Variants in MBTPS1 observed in about 807,000 individuals in gnomAD.
MBTPS1 encodes the protein membrane-bound transcription factor site-1 protease.
In MBTPS1, 94 loss-of-function variants were observed where a neutral mutation model predicts 127.8. That is an observed-to-expected ratio of 0.74 (90% confidence interval 0.62 to 0.87). The LOEUF is 0.87. MBTPS1 is among the 40% of genes least tolerant of loss of function. The pLI, the probability that MBTPS1 is intolerant of heterozygous loss-of-function variation, is 0.00. For synonymous variants in MBTPS1, 632 were observed against 509.4 expected (o/e 1.24, Z -3.24); for missense variants, 1,636 against 1,353.2 (o/e 1.21, Z -3.28).
intron 22 of MBTPS1, 61 bp from the exon 23 acceptor site, chr16:84,054,706 T>C (rs1056880472): frequency 7.6e-7 from 1 of 1,315,180 alleles, no homozygotes; most frequent in African/African-American, 1.5e-5. Context: ...GACGGCCTTT[T>C]TCTATGACGG....
intron 19 of MBTPS1, among the ~76,000 whole-genome samples, chr16:84,062,927 C>A (rs1411524765): frequency 9.9e-5 from 15 of 152,188 alleles, no homozygotes; most frequent in Admixed American, 9.8e-4. Context: ...AGAAGGGCGC[C>A]CCCTCGTGGC....
rs1014931686 is a variant in MBTPS1, at chr16:84,097,868, G to T, written c.421+1185C>A. Among the ~76,000 whole-genome samples the T allele has an allele frequency of 1.5e-4, 23 of 151,228 alleles. No individual in the cohort carries two copies. The South Asian group carries it at 2.3e-3, about 15-fold the overall frequency. On this transcript the variant is annotated intron_variant, in intron 3 of 22. Coordinates refer to ENST00000343411, the MANE Select transcript of MBTPS1 (RefSeq NM_003791.4). The stretch of plus-strand genomic sequence containing the variant: ...TGTGTGTGTGTGTGTGTGTGTGTGT[G>T]TGTTTGTGTGTGTGTTTAATGCAGC...
chr16:84,060,410 C>T lies in MBTPS1; in HGVS notation c.2704+272G>A, dbSNP rs140048642. On this transcript the variant is annotated intron_variant, in intron 20 of 22. Transcript: ENST00000343411. ...ACTGTCCTCACCTGTGAGAGCGGGA[C>T]GGTAAACACACTCAGAGTGGCGTGA... The T allele has an allele frequency of 3.7e-3, 1,370 of 374,070 alleles. 10 individuals are homozygous for T. The highest frequency in any genetic ancestry group is 0.011 in the South Asian group (291 of 25,952). The allele number at this position is 374,070 out of a possible 1,614,324, so 23.2% of individuals were successfully genotyped here.
At position 84,093,740 on chromosome 16, in the gene MBTPS1, T is replaced by A. The variant is rs748855571; in HGVS notation, c.707A>T (p.Asn236Ile). The change falls in exon 5 of 23, where the codon AAC (asparagine) becomes ATC (isoleucine). Residue 236 changes from asparagine (N) to isoleucine (I), a missense_variant. Physicochemically the swap from Asn to Ile is moderately radical, Grantham distance 149. Coordinates refer to ENST00000343411, the MANE Select transcript of MBTPS1 (RefSeq NM_003791.4). Reference sequence around the variant, plus strand: ...GTCCAGCGTTCGCTCGTTGGTCCAGTTGGTTCTCTCCTTCACATTTTTGAA... The same window carrying A: ...GTCCAGCGTTCGCTCGTTGGTCCAGATGGTTCTCTCCTTCACATTTTTGAA... Reference protein sequence around the residue: ...PHFKNVKERTNWTNERTLDDG... With the variant: ...PHFKNVKERTIWTNERTLDDG... 1.9e-6 allele frequency: 3 copies of A among 1,614,124 alleles called. No individual in the cohort carries two copies. The highest frequency in any genetic ancestry group is 2.5e-6 in the Non-Finnish European group (3 of 1,179,968).
At chr16:84,098,948 A>G (rs2086216247) in intron 3 of MBTPS1, 105 bp downstream of exon 3, 1 of 1,142,134 alleles carries the variant, frequency 8.8e-7, no homozygotes, top group South Asian at 1.5e-5. Context: ...AGCAAACTAG[A>G]TGGAAGGATG....
chr16:84,109,995 T>G (rs1438174590), intron 1 of MBTPS1, among the ~76,000 whole-genome samples: 1 of 152,208 alleles, frequency 6.6e-6, no homozygotes, highest in Non-Finnish European at 1.5e-5. Flanking sequence ...ATACTGTTCG[T>G]GCAACCTTCC....
chr16:84,082,124 A>C (rs771931728), intron 10 of MBTPS1: 1 of 372,020 alleles, frequency 2.7e-6, no homozygotes. Flanking sequence ...TACGGGACCC[A>C]CTTATGCTAA....
In MBTPS1 at chr16:84,098,715, C is replaced by T. The variant is rs141567977; in HGVS notation, c.421+338G>A. Among the ~76,000 whole-genome samples the T allele has an allele frequency of 3.4e-3, 511 of 152,282 alleles. 3 individuals are homozygous for T. The highest frequency in any genetic ancestry group is 0.011 in the African/African-American group (471 of 41,566). ...GGACGCGTCTTTCAGCACGAGAAGG[C>T]GGCCGCAGCCTTGAAGTCTGAAGGC... On this transcript the variant is annotated intron_variant, in intron 3 of 22. Transcript: ENST00000343411.
At chr16:84,104,206 G>A (rs183739374) in intron 1 of MBTPS1, among the ~76,000 whole-genome samples, 94 of 150,866 alleles carry the variant, frequency 6.2e-4, no homozygotes, top group African/African-American at 2.1e-3. Flanking sequence ...TATTAAATGC[G>A]TTTCTCACTC....
At chr16:84,114,816 G>C (rs1182764762) in intron 1 of MBTPS1, among the ~76,000 whole-genome samples, 1 of 140,844 alleles carries the variant, frequency 7.1e-6, no homozygotes, top group African/African-American at 2.8e-5. Flanking sequence ...GCGACAGAGC[G>C]AGACTCTGTC....
chr16:84,054,469 G>A lies in MBTPS1; in HGVS notation c.3139C>T (p.Pro1047Ser). The A allele has an allele frequency of 1.2e-6, 2 of 1,608,582 alleles. No homozygotes were observed. Among genetic ancestry groups the A allele is most frequent in the Admixed American group, 1.7e-5 (1 of 59,556 alleles). Residue 1047 changes from proline to serine, a missense_variant, in exon 23 of 23, where the codon CCA (proline) becomes TCA (serine). Transcript: ENST00000343411. ...RPQLMQQVHPPKTPSV is the reference protein window; with the variant it reads ...RPQLMQQVHPSKTPSV ...GCCGGTCACACCGAAGGGGTCTTTG[G>A]CGGGTGAACCTGCTGCATGAGCTGC...
In MBTPS1 at chr16:84,074,655, G is replaced by A. The variant is rs150184651; in HGVS notation, c.1535C>T (p.Thr512Ile). 2.5e-6 allele frequency: 4 copies of A among 1,613,992 alleles called. No homozygotes were observed. The African/African-American group carries it at 5.3e-5, about 22-fold the overall frequency. The change falls in exon 12 of 23, where the codon ACA becomes ATA. Residue 512 changes from threonine to isoleucine, a missense_variant. Physicochemically the swap from Thr to Ile is moderately conservative, Grantham distance 89 (BLOSUM62 -1). Transcript: ENST00000343411. ...SQPIYYGGMP[T>I]VVNVTILNGM... ...GTTGAGGATGGTGACATTAACAACTGTCGGCATTCCTCCATAGTAGATGGG... is the reference window on the plus strand; with the variant it reads ...GTTGAGGATGGTGACATTAACAACTATCGGCATTCCTCCATAGTAGATGGG...
Position 84,101,869 on chromosome 16 carries a change from TA to T in MBTPS1, c.-87del. 9 of 1,307,080 alleles carry T rather than the reference TA, an allele frequency of 6.9e-6. No individual in the cohort carries two copies. Among genetic ancestry groups the T allele is most frequent in the Non-Finnish European group, 9.7e-6 (9 of 926,422 alleles). 81.0% of individuals were successfully genotyped at this position (1,307,080 alleles called of 1,614,324 possible). A position where few individuals can be genotyped will look rare whatever the true frequency, so the allele number is the denominator to read the frequency against. On this transcript the variant is annotated 5_prime_UTR_variant, in exon 2 of 23. The change abolishes the stop of an existing upstream ORF in the 5' untranslated region. Transcript: ENST00000343411. ...ATTAAAAGTGAATTTTTGTTTCAGC[TA>T]AAAGCTGCAACATTACTAATCAGCC...
intron 8 of MBTPS1, among the ~76,000 whole-genome samples, chr16:84,088,489 C>G (rs1234369470): frequency 6.6e-6 from 1 of 152,204 alleles, no homozygotes; most frequent in South Asian, 2.1e-4. Flanking sequence ...AAGTCACTGA[C>G]AGAAACTCCC....
chr16:84,099,332 A>C (rs752939472), intron 2 of MBTPS1, 22 bp from the exon 3 acceptor site: 23 of 1,609,322 alleles, frequency 1.4e-5, no homozygotes, highest in Non-Finnish European at 2.0e-5. Flanking sequence ...CACCACAAAC[A>C]AAAATAAGAT....
intron 8 of MBTPS1, among the ~76,000 whole-genome samples, chr16:84,090,450 G>A (rs193098944): frequency 6.6e-5 from 10 of 152,274 alleles, no homozygotes; most frequent in African/African-American, 2.2e-4. Flanking sequence ...CACTGTGCTC[G>A]CACCTGCTCT....
At chr16:84,078,506 A>C (rs1229108441) in intron 11 of MBTPS1, among the ~76,000 whole-genome samples, 1 of 152,090 alleles carries the variant, frequency 6.6e-6, no homozygotes, top group Non-Finnish European at 1.5e-5. Context: ...CACCTTACCT[A>C]ACAGAGCTAC....
chr16:84,115,204 G>A (rs1345573171), intron 1 of MBTPS1, among the ~76,000 whole-genome samples: 1 of 152,194 alleles, frequency 6.6e-6, no homozygotes, highest in Non-Finnish European at 1.5e-5. Context: ...GGGATTACAG[G>A]CGTGAGCCAC....
intron 12 of MBTPS1, among the ~76,000 whole-genome samples, chr16:84,071,358 C>A (rs868395443): frequency 3.9e-5 from 6 of 152,322 alleles, no homozygotes; most frequent in African/African-American, 7.2e-5. Flanking sequence ...TTGCAACTAA[C>A]CGGTATTTCA....
Sources: gnomAD v4.1 joint callset for allele counts (sites outside exome capture counted in the v4.1 genomes callset) on GRCh38, gnomAD v4.1.1 for gene constraint, MANE v1.5 for transcripts, NCBI Gene and HGNC (gene_info 2026-07-23, HGNC 2026-07-21) for gene names.